Variants in TRUB1 observed in about 807,000 individuals in gnomAD.
TRUB1 encodes pseudouridylate synthase TRUB1.
In TRUB1, 23 loss-of-function variants were observed where a neutral mutation model predicts 33.9. The ratio of observed to expected loss-of-function variants is 0.68; its 90% CI spans 0.49 to 0.96. The LOEUF is 0.96. TRUB1 is among the 40% of genes least tolerant of loss of function. TRUB1 has a pLI of 0.00. For synonymous variants in TRUB1, 163 were observed against 165.4 expected (o/e 0.99, Z 0.11); for missense variants, 378 against 422.2 (o/e 0.90, Z 0.92).
chr10:114,964,122 A>C (rs868513562), intron 4 of TRUB1, among the ~76,000 whole-genome samples: 1 of 152,220 alleles, frequency 6.6e-6, no homozygotes, highest in African/African-American at 2.4e-5. Flanking sequence ...CTAGGAGTGC[A>C]TAAGCATTCC....
In TRUB1 at chr10:114,944,619, A is replaced by G. The variant is rs376568771; in HGVS notation, c.385+1876A>G. ...GGTTGCAGTGATCTGAGATCGCGCC[A>G]CTGCACTCCAGCCTGGGTGACAAGA... On this transcript the variant is annotated intron_variant, in intron 2 of 7. Coordinates refer to ENST00000298746, the MANE Select transcript of TRUB1 (RefSeq NM_139169.5). Among the ~76,000 whole-genome samples, 4 of 152,056 alleles carry G rather than the reference A, an allele frequency of 2.6e-5. No individual in the cohort carries two copies. The East Asian group carries it at 7.7e-4, about 29-fold the overall frequency.
intron 4 of TRUB1, among the ~76,000 whole-genome samples, chr10:114,963,436 T>C (rs1180536146): frequency 6.6e-6 from 1 of 152,206 alleles, no homozygotes; most frequent in East Asian, 1.9e-4. Flanking sequence ...TACAAAGCTG[T>C]TTGCATTTAA....
chr10:114,974,068 T>A (rs548765224), intron 6 of TRUB1, among the ~76,000 whole-genome samples: 10 of 152,200 alleles, frequency 6.6e-5, no homozygotes, highest in Non-Finnish European at 1.5e-4. Flanking sequence ...TGAACAAGGC[T>A]GAAGTATTAA....
Position 114,977,624 on chromosome 10 carries a change from T to C in TRUB1, c.*2245T>C, listed in dbSNP as rs572829038. The C allele has an allele frequency of 6.6e-6, 1 of 152,202 alleles. No individual in the cohort carries two copies. The highest frequency in any genetic ancestry group is 1.9e-4 in the East Asian group (1 of 5,190). 9.4% of individuals were successfully genotyped at this position (152,202 alleles called of 1,614,324 possible). ...TTTTTCTGATTTGCTTTTATGTGAT[T>C]TATCTGTATACTTTGTTCATTTATA... On this transcript the variant is annotated 3_prime_UTR_variant, in exon 8 of 8. Transcript: ENST00000298746.
intron 3 of TRUB1, among the ~76,000 whole-genome samples, chr10:114,952,708 T>C (rs968933556): frequency 6.6e-6 from 1 of 152,212 alleles, no homozygotes; most frequent in Non-Finnish European, 1.5e-5. Flanking sequence ...CTTCAAAATA[T>C]TGGTGTTGAA....
intron 4 of TRUB1, among the ~76,000 whole-genome samples, chr10:114,964,326 T>A (rs1252670342): frequency 6.6e-6 from 1 of 152,186 alleles, no homozygotes; most frequent in African/African-American, 2.4e-5. Context: ...TTGTTTTTTC[T>A]TTCCCTTTTG....
intron 4 of TRUB1, 25 bp downstream of exon 4, chr10:114,959,832 C>T (rs2084277889): frequency 7.1e-7 from 1 of 1,409,530 alleles, no homozygotes; most frequent in African/African-American, 1.4e-5. Context: ...TAATGTAGGC[C>T]TCTTTTCTAA....
chr10:114,947,482 A>G (rs1364448303), intron 2 of TRUB1, among the ~76,000 whole-genome samples: 2 of 152,240 alleles, frequency 1.3e-5, no homozygotes, highest in Non-Finnish European at 2.9e-5. Context: ...AAACAGTGAG[A>G]AAATTTAGAA....
chr10:114,944,314 G>A (rs185313469), intron 2 of TRUB1, among the ~76,000 whole-genome samples: 3 of 152,110 alleles, frequency 2.0e-5, no homozygotes, highest in African/African-American at 7.2e-5. Context: ...GTAAATGAGC[G>A]CTTATTTAAA....
rs1160199168 is a variant in TRUB1, at chr10:114,942,561, C to T, written c.287-84C>T. On this transcript the variant is annotated intron_variant, in intron 1 of 7. Coordinates refer to ENST00000298746, the MANE Select transcript of TRUB1 (RefSeq NM_139169.5). Reference sequence around the variant, plus strand: ...TACTTTTTGTTTGTTTTGAAAATGCCATCCCCTTTTCCTCCCAAGTTTATG... The same window carrying T: ...TACTTTTTGTTTGTTTTGAAAATGCTATCCCCTTTTCCTCCCAAGTTTATG... 9 of 856,070 alleles carry T rather than the reference C, an allele frequency of 1.1e-5. No individual in the cohort carries two copies. The East Asian group carries it at 2.0e-4, about 19-fold the overall frequency. The allele number at this position is 856,070 out of a possible 1,614,324, so 53.0% of individuals were successfully genotyped here.
intron 3 of TRUB1, among the ~76,000 whole-genome samples, chr10:114,959,341 T>C (rs1402562780): frequency 1.3e-5 from 2 of 152,208 alleles, no homozygotes; most frequent in East Asian, 3.8e-4. Context: ...TATTGAATCT[T>C]ATGATGACCA....
intron 4 of TRUB1, among the ~76,000 whole-genome samples, chr10:114,960,613 A>AT (rs1200570477): frequency 4.6e-5 from 7 of 152,026 alleles, no homozygotes; most frequent in African/African-American, 1.4e-4. Context: ...TAATAGCTTC[A>AT]TTTTTTCTGT....
Position 114,938,296 on chromosome 10 carries a change from A to G in TRUB1, c.43A>G (p.Lys15Glu), listed in dbSNP as rs762245615. ...GGCGGTGGTGTCTTCGCCGTCTTTG[A>G]AAACAGACACATCCCCTGTCCTTGA... ...EAAVVSSPSL[K>E]TDTSPVLETA... Residue 15 changes from lysine to glutamate, a missense_variant, in exon 1 of 8, where the codon AAA becomes GAA. Coordinates refer to ENST00000298746, the MANE Select transcript of TRUB1 (RefSeq NM_139169.5). 1.1e-5 allele frequency: 18 copies of G among 1,614,108 alleles called. No individual in the cohort carries two copies.
At chr10:114,955,001 A>G (rs1313021602) in intron 3 of TRUB1, among the ~76,000 whole-genome samples, 1 of 152,004 alleles carries the variant, frequency 6.6e-6, no homozygotes, top group East Asian at 1.9e-4. Flanking sequence ...TCTTTAAGGG[A>G]GAGACAGACT....
chr10:114,951,073 A>G (rs372003434), intron 2 of TRUB1, 21 bp from the exon 3 acceptor site: 5 of 1,607,056 alleles, frequency 3.1e-6, no homozygotes, highest in Non-Finnish European at 4.3e-6. Context: ...GTGTCATAAT[A>G]TTTCTTTCTT....
intron 1 of TRUB1, 101 bp from the exon 2 acceptor site, chr10:114,942,544 G>T: frequency 1.4e-6 from 1 of 726,026 alleles, no homozygotes; most frequent in South Asian, 1.7e-5. Context: ...AATACTTTTT[G>T]TTTGTTTTGA....
chr10:114,945,463 A>G (rs1250208782), intron 2 of TRUB1, among the ~76,000 whole-genome samples: 2 of 152,220 alleles, frequency 1.3e-5, no homozygotes, highest in African/African-American at 4.8e-5. Flanking sequence ...CTTGTTTACG[A>G]ATAGATCAAT....
chr10:114,959,873 TTTTAAAAC>T, intron 4 of TRUB1, 66 bp downstream of exon 4: 1 of 933,786 alleles, frequency 1.1e-6, no homozygotes. Context: ...GCAGGTAGCA[TTTTAAAAC>T]AAATCTCTGA....
chr10:114,940,723 G>A (rs1213588474), intron 1 of TRUB1, among the ~76,000 whole-genome samples: 1 of 152,194 alleles, frequency 6.6e-6, no homozygotes, highest in Non-Finnish European at 1.5e-5. Flanking sequence ...AGGGAAGATA[G>A]TATATTTATG....
Sources: allele counts gnomAD v4.1 joint callset (sites outside exome capture counted in the v4.1 genomes callset), GRCh38; gene constraint gnomAD v4.1.1; transcripts MANE v1.5; gene names NCBI Gene and HGNC (gene_info 2026-07-23, HGNC 2026-07-21).